The following MDGA2 variants were observed in gnomAD, a reference collection of about 807,000 sequenced individuals.
MDGA2 encodes MAM domain-containing glycosylphosphatidylinositol anchor protein 2.
In MDGA2, 40 loss-of-function variants were observed where a neutral mutation model predicts 117.8. The ratio of observed to expected loss-of-function variants is 0.34; its 90% CI spans 0.26 to 0.44. The LOEUF is 0.44. Among genes scored for constraint, MDGA2 ranks in the 20% least tolerant of loss-of-function variants. The pLI is 1.00. For missense variants in MDGA2, 1,123 were observed against 1,250.6 expected (o/e 0.90, Z 1.54); for synonymous variants, 452 against 439.0 (o/e 1.03, Z -0.37).
intron 2 of MDGA2, among the ~76,000 whole-genome samples, chr14:47,268,367 G>T (rs72680268): frequency 6.6e-6 from 1 of 151,932 alleles, no homozygotes; most frequent in Non-Finnish European, 1.5e-5. Context: ...GAGCCAGTGC[G>T]CCAGGCCCTT....
chr14:46,876,407 G>A (rs561262090), intron 12 of MDGA2, among the ~76,000 whole-genome samples: 179 of 151,432 alleles, frequency 1.2e-3, no homozygotes, highest in African/African-American at 4.1e-3. Flanking sequence ...TAATGATAAC[G>A]CAATGAGCTG....
At chr14:47,029,596 G>A (rs1402453166) in intron 8 of MDGA2, among the ~76,000 whole-genome samples, 1 of 152,066 alleles carries the variant, frequency 6.6e-6, no homozygotes, top group African/African-American at 2.4e-5. Flanking sequence ...ATATTCTCCA[G>A]TTAATTTTCA....
intron 1 of MDGA2, among the ~76,000 whole-genome samples, chr14:47,617,474 G>C (rs1169057229): frequency 6.6e-6 from 1 of 152,124 alleles, no homozygotes; most frequent in Admixed American, 6.5e-5. Flanking sequence ...AAAGTGCTGG[G>C]ATTACAAGTG....
rs185815799 is a variant in MDGA2, at chr14:47,641,820, T to C, written c.280+32697A>G. 6.9e-4 allele frequency among the ~76,000 whole-genome samples: 105 copies of C among 152,244 alleles called. 1 individual carries two copies. Among genetic ancestry groups the C allele is most frequent in the African/African-American group, 2.5e-3 (102 of 41,578 alleles). ...TCAGGCACTGCATATAAAATGCCATTTCAGAAGTGTATTAATTTATTTAGC... is the reference window on the plus strand; with the variant it reads ...TCAGGCACTGCATATAAAATGCCATCTCAGAAGTGTATTAATTTATTTAGC... On this transcript the variant is annotated intron_variant, in intron 1 of 16. Transcript: ENST00000399232.
chr14:46,988,243 G>C (rs987281545), intron 8 of MDGA2, among the ~76,000 whole-genome samples: 1 of 151,752 alleles, frequency 6.6e-6, no homozygotes, highest in Admixed American at 6.6e-5. Flanking sequence ...GAAGGAAATA[G>C]AAAACTAGAG....
At chr14:47,150,524 T>C (rs533683370) in intron 3 of MDGA2, among the ~76,000 whole-genome samples, 1 of 152,174 alleles carries the variant, frequency 6.6e-6, no homozygotes, top group Admixed American at 6.5e-5. Context: ...TCCTCTGAAT[T>C]CCTCAGAAGC....
chr14:46,996,213 T>C (rs544710222), intron 8 of MDGA2, among the ~76,000 whole-genome samples: 1 of 152,320 alleles, frequency 6.6e-6, no homozygotes, highest in African/African-American at 2.4e-5. Context: ...GATAGGAAAT[T>C]AAATTCTTAC....
chr14:47,134,412 T>C (rs1882353937), intron 4 of MDGA2, among the ~76,000 whole-genome samples: 1 of 152,084 alleles, frequency 6.6e-6, no homozygotes, highest in Non-Finnish European at 1.5e-5. Context: ...AGAGCCTAAA[T>C]ACACTTAAGA....
chr14:47,090,977 C>T (rs1219315917), intron 6 of MDGA2, among the ~76,000 whole-genome samples: 1 of 152,150 alleles, frequency 6.6e-6, no homozygotes, highest in African/African-American at 2.4e-5. Flanking sequence ...CTGAGCCTCT[C>T]AACTCCCAGA....
chr14:47,191,862 G>A (rs890981948), intron 3 of MDGA2, among the ~76,000 whole-genome samples: 1 of 150,102 alleles, frequency 6.7e-6, no homozygotes, highest in African/African-American at 2.5e-5. Context: ...CCCATGATGA[G>A]CACATAGGGA....
intron 1 of MDGA2, among the ~76,000 whole-genome samples, chr14:47,659,948 C>G (rs1385041520): frequency 6.6e-6 from 1 of 151,960 alleles, no homozygotes; most frequent in Non-Finnish European, 1.5e-5. Context: ...TTCCAGTGTG[C>G]AAAAAGTCAT....
At chr14:47,158,389 T>TC (rs1394289522) in intron 3 of MDGA2, among the ~76,000 whole-genome samples, 18 of 152,006 alleles carry the variant, frequency 1.2e-4, no homozygotes, top group South Asian at 8.3e-4. Flanking sequence ...TGTGTGTGTG[T>TC]GTGTGTGTGT....
At position 47,455,378 on chromosome 14, in the gene MDGA2, C is replaced by T. The variant is rs146101409; in HGVS notation, c.281-153828G>A. On this transcript the variant is annotated intron_variant, in intron 1 of 16. Coordinates refer to ENST00000399232, the MANE Select transcript of MDGA2 (RefSeq NM_001113498.3). Reference sequence around the variant, plus strand: ...AAAACTAGCTGGCTGTGGTGGCACACGACTGTAATCCCAGCTACTTGAGAG... The same window carrying T: ...AAAACTAGCTGGCTGTGGTGGCACATGACTGTAATCCCAGCTACTTGAGAG... 2.3e-3 allele frequency among the ~76,000 whole-genome samples: 354 copies of T among 151,970 alleles called. 3 individuals are homozygous for T. The highest frequency in any genetic ancestry group is 8.0e-3 in the African/African-American group (333 of 41,458).
At chr14:47,055,270 C>A (rs184911909) in intron 7 of MDGA2, among the ~76,000 whole-genome samples, 10 of 152,166 alleles carry the variant, frequency 6.6e-5, no homozygotes, top group African/African-American at 2.2e-4. Flanking sequence ...TCTGCAGATT[C>A]ACCAACTGAA....
At chr14:47,218,655 T>C (rs1886188411) in intron 2 of MDGA2, among the ~76,000 whole-genome samples, 1 of 152,122 alleles carries the variant, frequency 6.6e-6, no homozygotes, top group African/African-American at 2.4e-5. Context: ...TTGATTTGAA[T>C]AGTTTAGACA....
intron 8 of MDGA2, among the ~76,000 whole-genome samples, chr14:46,985,322 C>T (rs1325018489): frequency 1.3e-5 from 2 of 151,934 alleles, no homozygotes; most frequent in Non-Finnish European, 2.9e-5. Context: ...TTTTCTACTA[C>T]TAATTTGTTT....
At chr14:46,876,162 T>G (rs1398629081) in intron 12 of MDGA2, among the ~76,000 whole-genome samples, 1 of 151,424 alleles carries the variant, frequency 6.6e-6, no homozygotes, top group Non-Finnish European at 1.5e-5. Context: ...ACAAAGATAC[T>G]TAAGCAACAT....
intron 7 of MDGA2, among the ~76,000 whole-genome samples, chr14:47,057,412 C>T (rs1889717557): frequency 6.6e-6 from 1 of 151,808 alleles, no homozygotes; most frequent in Admixed American, 6.6e-5. Flanking sequence ...CCATATAACA[C>T]AGAGTGTATA....
intron 3 of MDGA2, among the ~76,000 whole-genome samples, chr14:47,162,163 T>C (rs989381809): frequency 6.6e-6 from 1 of 152,102 alleles, no homozygotes; most frequent in African/African-American, 2.4e-5. Context: ...GCCAGGCTGG[T>C]CTGGATCTCC....
Sources: allele counts gnomAD v4.1 joint callset (sites outside exome capture counted in the v4.1 genomes callset), GRCh38; gene constraint gnomAD v4.1.1; transcripts MANE v1.5; gene names NCBI Gene and HGNC (gene_info 2026-07-23, HGNC 2026-07-21).